The following NLGN1 variants were observed in gnomAD, a reference collection of about 807,000 sequenced individuals.
The protein encoded by NLGN1 is neuroligin-1.
A neutral mutation model predicts 65.5 loss-of-function variants in NLGN1; 12 were observed. The ratio of observed to expected loss-of-function variants is 0.18; its 90% CI spans 0.12 to 0.30. NLGN1 has a LOEUF of 0.30. Ranked by LOEUF, NLGN1 falls within the 10% of genes least tolerant of loss-of-function variation. The pLI is 1.00. For missense variants in NLGN1, 750 were observed against 1,007.1 expected (o/e 0.74, Z 3.46); for synonymous variants, 350 against 359.5 (o/e 0.97, Z 0.30).
chr3:173,889,826 T>C (rs1391800274), intron 4 of NLGN1, among the ~76,000 whole-genome samples: 2 of 152,088 alleles, frequency 1.3e-5, no homozygotes, highest in African/African-American at 4.8e-5. Flanking sequence ...GTGCATACAT[T>C]TATACTTTAA....
At chr3:173,663,632 G>C (rs1215913974) in intron 3 of NLGN1, among the ~76,000 whole-genome samples, 2 of 151,884 alleles carry the variant, frequency 1.3e-5, no homozygotes, top group African/African-American at 4.8e-5. Context: ...ACCCACAAAT[G>C]AATCAGAAAA....
intron 3 of NLGN1, among the ~76,000 whole-genome samples, chr3:173,702,081 T>C (rs887651276): frequency 1.3e-4 from 20 of 150,692 alleles, no homozygotes; most frequent in African/African-American, 4.9e-4. Flanking sequence ...CTACTAAAAA[T>C]ACAAAAAATT....
chr3:173,987,457 T>C (rs1434927546), intron 4 of NLGN1, among the ~76,000 whole-genome samples: 2 of 152,200 alleles, frequency 1.3e-5, no homozygotes, highest in Admixed American at 6.6e-5. Context: ...TTAACTTCTA[T>C]TTGGCACTAA....
At chr3:174,023,216 A>G (rs553422179) in intron 4 of NLGN1, among the ~76,000 whole-genome samples, 1 of 152,090 alleles carries the variant, frequency 6.6e-6, no homozygotes, top group African/African-American at 2.4e-5. Context: ...TCTTTGCTCT[A>G]CATGTAACAA....
intron 4 of NLGN1, among the ~76,000 whole-genome samples, chr3:173,901,559 C>T (rs12497584): frequency 0.17 from 25,663 of 151,648 alleles, 2,406 homozygotes; most frequent in East Asian, 0.35. Flanking sequence ...TGTAAGACTT[C>T]GGTATGTATG....
At chr3:173,887,526 C>T (rs1305964386) in intron 4 of NLGN1, among the ~76,000 whole-genome samples, 1 of 151,890 alleles carries the variant, frequency 6.6e-6, no homozygotes, top group Non-Finnish European at 1.5e-5. Context: ...TCACTCTTCA[C>T]CTCACTAAAA....
chr3:174,024,141 T>TAA (rs34508881), intron 4 of NLGN1, among the ~76,000 whole-genome samples: 3,492 of 85,922 alleles, frequency 0.041, 81 homozygotes, highest in Non-Finnish European at 0.06. Flanking sequence ...AGAGTCCTAT[T>TAA]AAAAAAAAAA....
At chr3:173,598,844 C>G (rs1373793022) in intron 2 of NLGN1, among the ~76,000 whole-genome samples, 1 of 152,144 alleles carries the variant, frequency 6.6e-6, no homozygotes, top group African/African-American at 2.4e-5. Flanking sequence ...GAATCTCAAC[C>G]AACTCCTCCC....
intron 3 of NLGN1, among the ~76,000 whole-genome samples, chr3:173,609,977 G>A (rs902884300): frequency 6.6e-6 from 1 of 151,760 alleles, no homozygotes; most frequent in Non-Finnish European, 1.5e-5. Context: ...CTGGAAAGGG[G>A]GAAAAGAGAG....
At chr3:173,610,873 G>C (rs974424803) in intron 3 of NLGN1, among the ~76,000 whole-genome samples, 3 of 151,962 alleles carry the variant, frequency 2.0e-5, no homozygotes, top group Admixed American at 6.6e-5. Flanking sequence ...AATACGAGAA[G>C]TGAGGAAAAT....
At chr3:174,177,204 A>C (rs1467224815) in intron 4 of NLGN1, among the ~76,000 whole-genome samples, 1 of 152,056 alleles carries the variant, frequency 6.6e-6, no homozygotes, top group East Asian at 1.9e-4. Context: ...TAAAATATTC[A>C]TGGAAAAGTT....
chr3:173,884,741 C>T (rs1734009766), intron 4 of NLGN1, among the ~76,000 whole-genome samples: 1 of 151,942 alleles, frequency 6.6e-6, no homozygotes, highest in African/African-American at 2.4e-5. Context: ...TCCATTTATA[C>T]TGCTATAAAA....
chr3:173,520,218 A>T (rs1263908297), intron 2 of NLGN1, among the ~76,000 whole-genome samples: 2 of 152,180 alleles, frequency 1.3e-5, no homozygotes, highest in Non-Finnish European at 2.9e-5. Flanking sequence ...GAGCCAATTA[A>T]ACCTCTTTAC....
chr3:174,078,051 TC>T (rs958908027), intron 4 of NLGN1, among the ~76,000 whole-genome samples: 1 of 152,066 alleles, frequency 6.6e-6, no homozygotes, highest in Non-Finnish European at 1.5e-5. Flanking sequence ...TAGTCTTTTG[TC>T]TACAGAAGAA....
chr3:173,582,150 A>G (rs921182209), intron 2 of NLGN1, among the ~76,000 whole-genome samples: 2 of 152,026 alleles, frequency 1.3e-5, no homozygotes, highest in African/African-American at 4.8e-5. Flanking sequence ...GTTGCTGCAT[A>G]TTATATTTTT....
chr3:174,175,889 C>T (rs1430852353), intron 4 of NLGN1, among the ~76,000 whole-genome samples: 1 of 151,880 alleles, frequency 6.6e-6, no homozygotes, highest in African/African-American at 2.4e-5. Context: ...TCATTACTGG[C>T]ATGATTTCCA....
intron 4 of NLGN1, among the ~76,000 whole-genome samples, chr3:173,878,263 A>G (rs1732522047): frequency 1.3e-5 from 2 of 152,110 alleles, no homozygotes; most frequent in Non-Finnish European, 2.9e-5. Context: ...GCTGGTCTCG[A>G]ACTTCTGACC....
intron 2 of NLGN1, among the ~76,000 whole-genome samples, chr3:173,578,974 C>A (rs1745975923): frequency 6.6e-6 from 1 of 152,096 alleles, no homozygotes; most frequent in Non-Finnish European, 1.5e-5. Context: ...TAAAAAAGAC[C>A]TTTTTCTAAA....
chr3:173,445,702 A>G (rs1288849201), intron 2 of NLGN1, among the ~76,000 whole-genome samples: 1 of 152,208 alleles, frequency 6.6e-6, no homozygotes, highest in African/African-American at 2.4e-5. Flanking sequence ...TTTTCTACAT[A>G]TCAGCAGCCT....
Sources: gnomAD v4.1 joint callset for allele counts (sites outside exome capture counted in the v4.1 genomes callset) on GRCh38, gnomAD v4.1.1 for gene constraint, MANE v1.5 for transcripts, NCBI Gene and HGNC (gene_info 2026-07-23, HGNC 2026-07-21) for gene names.